GBP3: variants seen among roughly 807,000 people sequenced by gnomAD.
GBP3 encodes the protein guanylate binding protein 3.
GBP3 carries 55 observed loss-of-function variants against 62.4 expected under a neutral mutation model. The observed-to-expected ratio is 0.88, with a 90% CI of 0.71 to 1.10. The LOEUF is 1.10. Ranked by LOEUF, GBP3 falls within the 50% of genes least tolerant of loss-of-function variation. The pLI, the probability that GBP3 is intolerant of heterozygous loss-of-function variation, is 0.00. For synonymous variants in GBP3, 208 were observed against 259.2 expected (o/e 0.80, Z 1.90); for missense variants, 605 against 690.6 (o/e 0.88, Z 1.39).
At chr1:89,008,816 A>G in intron 10 of GBP3, 131 bp downstream of exon 10, 3 of 1,490,862 alleles carry the variant, frequency 2.0e-6, no homozygotes, top group African/African-American at 2.8e-5. Flanking sequence ...ACAGACAGAA[A>G]CAAGAAAGTA....
At chr1:89,017,346 G>T (rs1047512789) in intron 2 of GBP3, among the ~76,000 whole-genome samples, 9 of 150,428 alleles carry the variant, frequency 6.0e-5, no homozygotes, top group Admixed American at 6.0e-4. Flanking sequence ...TGGACTGTTA[G>T]CTTACACAAT....
Position 89,007,864 on chromosome 1 carries a change from C to T in GBP3, c.1660-12G>A. On this transcript the variant is annotated splice_polypyrimidine_tract_variant and intron_variant, in intron 10 of 10. Coordinates refer to ENST00000370481, the MANE Select transcript of GBP3 (RefSeq NM_018284.3). ...ACTCGGGCCTGTTCCTAAAAAGGGA[C>T]AAATGGAGGCTAAATAAGTGTAGCA... is the stretch of plus-strand genomic sequence containing the variant. The T allele has an allele frequency of 1.2e-6, 2 of 1,607,644 alleles. No individual in the cohort carries two copies. The highest frequency in any genetic ancestry group is 8.5e-7 in the Non-Finnish European group (1 of 1,177,676).
At chr1:89,014,342 CA>C in intron 4 of GBP3, 63 bp from the exon 5 acceptor site, 4 of 1,611,438 alleles carry the variant, frequency 2.5e-6, no homozygotes, top group Non-Finnish European at 3.4e-6. Flanking sequence ...ATTAGTTCAA[CA>C]CATTCCCAAA....
chr1:89,009,515 G>C (rs763736615), intron 8 of GBP3, 21 bp from the exon 9 acceptor site: 1 of 1,611,414 alleles, frequency 6.2e-7, no homozygotes, highest in East Asian at 2.2e-5. Flanking sequence ...AGAGAACACA[G>C]AGTGAGAAGT....
chr1:89,019,200 G>A (rs1679048948), intron 2 of GBP3, among the ~76,000 whole-genome samples: 1 of 152,162 alleles, frequency 6.6e-6, no homozygotes, highest in Non-Finnish European at 1.5e-5. Flanking sequence ...ATAGCCAAAA[G>A]GTGTAAGCAA....
chr1:89,018,304 A>T lies in GBP3; in HGVS notation c.190+2228T>A, dbSNP rs376675869. On this transcript the variant is annotated intron_variant, in intron 2 of 10. Transcript: ENST00000370481. ...GTCAGGGAGGTTTCACATCACCAAGATTCCTATCCCAGAAAAGCAGATGTT... is the reference window on the plus strand; with the variant it reads ...GTCAGGGAGGTTTCACATCACCAAGTTTCCTATCCCAGAAAAGCAGATGTT... 2.0e-5 allele frequency among the ~76,000 whole-genome samples: 3 copies of T among 152,300 alleles called. No individual in the cohort carries two copies. The East Asian group carries it at 5.8e-4, about 29-fold the overall frequency.
At position 89,021,544 on chromosome 1, in the gene GBP3, A is replaced by ACACACACACCCCCC. The variant is rs761151308; in HGVS notation, c.-22-802_-22-801insGGGGGGTGTGTGTG. 2.2e-3 allele frequency among the ~76,000 whole-genome samples: 315 copies of ACACACACACCCCCC among 140,966 alleles called. 1 individual carries two copies. Among genetic ancestry groups the ACACACACACCCCCC allele is most frequent in the Non-Finnish European group, 3.7e-3 (241 of 64,332 alleles). 92.5% of individuals were successfully genotyped at this position (140,966 alleles called of 152,430 possible). ...CACACACACACACACACACACACAC[A>ACACACACACCCCCC]CCCCAAAAAAACCAAACCAAACAAA... is the stretch of plus-strand genomic sequence containing the variant. On this transcript the variant is annotated intron_variant, in intron 1 of 10. Transcript: ENST00000370481.
chr1:89,007,796 AT>A lies in GBP3; in HGVS notation c.1715del (p.Asn572MetfsTer10), dbSNP rs1235229949. Reference sequence around the variant, plus strand: ...GGGTCTTCTGTAGCTTTTGTATCTCATTTTGAAGTTGGGTACTTTCACCTTG... The same window carrying A: ...GGGTCTTCTGTAGCTTTTGTATCTCATTTGAAGTTGGGTACTTTCACCTTG... Reference protein sequence around the residue: ...RCQGESTQLQNEIQKLQKTLK... With the variant: ...RCQGESTQLQXEIQKLQKTLK... On this transcript the variant is annotated frameshift_variant, in exon 11 of 11. Coordinates refer to ENST00000370481, the MANE Select transcript of GBP3 (RefSeq NM_018284.3). LOFTEE classifies it low-confidence loss of function (END_TRUNC). The A allele has an allele frequency of 3.7e-6, 6 of 1,612,972 alleles. No homozygotes were observed. The highest frequency in any genetic ancestry group is 5.1e-6 in the Non-Finnish European group (6 of 1,179,612).
In GBP3 at chr1:89,014,224, C is replaced by A; in HGVS notation, c.484G>T (p.Glu162Ter). The change falls in exon 5 of 11, where the codon GAG becomes TAG. Residue 162 changes from glutamate to a stop codon, truncating the protein, a stop_gained. Coordinates refer to ENST00000370481, the MANE Select transcript of GBP3 (RefSeq NM_018284.3). LOFTEE classifies it high-confidence loss of function. ...ACAAAGTCAGCTGAATCCTCATTCT[C>A]ATTCTCATCAGGTGAGGATTTTGAT... ...IRSKSSPDEN[E>*]NEDSADFVSF... 6.2e-7 allele frequency: 1 copy of A among 1,614,198 alleles called. No homozygotes were observed. The highest frequency in any genetic ancestry group is 8.5e-7 in the Non-Finnish European group (1 of 1,180,036).
At position 89,016,605 on chromosome 1, in the gene GBP3, CAG is replaced by C. The variant is rs1354084578; in HGVS notation, c.191-1193_191-1192del. On this transcript the variant is annotated intron_variant, in intron 2 of 10. Transcript: ENST00000370481. ...TTACAAAATTTTTTTTTTTTGGAGA[CAG>C]AGTCTCACGGTGTCATCCAGGCTAG... Among the ~76,000 whole-genome samples the C allele has an allele frequency of 4.0e-5, 6 of 151,686 alleles. No individual in the cohort carries two copies. The East Asian group carries it at 1.2e-3, about 29-fold the overall frequency.
intron 6 of GBP3, 49 bp downstream of exon 6, chr1:89,013,136 C>T: frequency 6.3e-7 from 1 of 1,586,242 alleles, no homozygotes; most frequent in Non-Finnish European, 8.6e-7. Context: ...TCATGCCTGG[C>T]CATCCTTTAG....
intron 2 of GBP3, 127 bp from the exon 3 acceptor site, chr1:89,015,541 T>G: frequency 1.4e-6 from 1 of 722,110 alleles, no homozygotes; most frequent in Non-Finnish European, 2.1e-6. Flanking sequence ...GTACTTACGT[T>G]ACTTATAATC....
intron 5 of GBP3, chr1:89,013,649 C>G (rs17130687): frequency 0.022 from 11,789 of 545,016 alleles, 1,080 homozygotes; most frequent in African/African-American, 0.2. Flanking sequence ...AATTGGCCAT[C>G]ATTTGTCTTA....
At chr1:89,012,476 G>C (rs1678624538) in intron 6 of GBP3, among the ~76,000 whole-genome samples, 1 of 139,302 alleles carries the variant, frequency 7.2e-6, no homozygotes, top group Admixed American at 7.4e-5. Context: ...CATTGTCCAA[G>C]AAAACTTTCT....
Position 89,011,637 on chromosome 1 carries a change from A to C in GBP3, c.1149+110T>G, listed in dbSNP as rs1475425520. On this transcript the variant is annotated intron_variant, in intron 7 of 10. Transcript: ENST00000370481. ...TGATTACCAAGAACTAGTTGTCACC[A>C]TTTTAAAATCTAGAATAATTATTTG... 3.2e-6 allele frequency: 4 copies of C among 1,260,492 alleles called. 1 individual carries two copies. Among genetic ancestry groups the C allele is most frequent in the African/African-American group, 1.4e-5 (1 of 70,168 alleles). The allele number at this position is 1,260,492 out of a possible 1,614,324, so 78.1% of individuals were successfully genotyped here.
chr1:89,009,990 C>G (rs576656412), intron 8 of GBP3, among the ~76,000 whole-genome samples: 27 of 151,982 alleles, frequency 1.8e-4, no homozygotes, highest in African/African-American at 6.5e-4. Flanking sequence ...TTTAAGCAAC[C>G]ATCATTGGGT....
At chr1:89,014,429 A>G in intron 4 of GBP3, 118 bp downstream of exon 4, 3 of 1,602,498 alleles carry the variant, frequency 1.9e-6, no homozygotes, top group Non-Finnish European at 2.6e-6. Context: ...CTGTACTTGC[A>G]TTATTTTTTG....
intron 8 of GBP3, 151 bp from the exon 9 acceptor site, chr1:89,009,645 A>C (rs904910503): frequency 2.8e-6 from 3 of 1,086,032 alleles, no homozygotes; most frequent in African/African-American, 3.2e-5. Flanking sequence ...GGCCAGATAC[A>C]TGCTCCAAGC....
intron 2 of GBP3, 135 bp from the exon 3 acceptor site, chr1:89,015,549 A>G: frequency 1.5e-6 from 1 of 648,402 alleles, no homozygotes; most frequent in Non-Finnish European, 2.4e-6. Context: ...GTTACTTATA[A>G]TCAGAAAAAT....
Sources: gnomAD v4.1 joint callset for allele counts (sites outside exome capture counted in the v4.1 genomes callset) on GRCh38, gnomAD v4.1.1 for gene constraint, MANE v1.5 for transcripts, NCBI Gene and HGNC (gene_info 2026-07-23, HGNC 2026-07-21) for gene names.